PNPT1: variants seen among roughly 807,000 people sequenced by gnomAD.
The protein encoded by PNPT1 is polyribonucleotide nucleotidyltransferase 1, also known as polyribonucleotide nucleotidyltransferase 1, mitochondrial.
In PNPT1, 53 loss-of-function variants were observed where a neutral mutation model predicts 119.5. The observed-to-expected ratio is 0.44, with a 90% CI of 0.36 to 0.56. The LOEUF (loss-of-function observed/expected upper bound fraction) is 0.56. Among genes scored for constraint, PNPT1 ranks in the 20% least tolerant of loss-of-function variants. The pLI is 0.00. For synonymous variants in PNPT1, 357 were observed against 322.1 expected (o/e 1.11, Z -1.16); for missense variants, 948 against 938.5 (o/e 1.01, Z -0.13).
At chr2:55,666,896 A>G in intron 13 of PNPT1, 95 bp downstream of exon 13, 2 of 759,794 alleles carry the variant, frequency 2.6e-6, no homozygotes, top group Non-Finnish European at 4.1e-6. Context: ...TATACACCAT[A>G]TGACAAAACC....
chr2:55,667,455 ATGG>A (rs896690169), intron 12 of PNPT1, among the ~76,000 whole-genome samples: 23 of 152,048 alleles, frequency 1.5e-4, no homozygotes, highest in Non-Finnish European at 3.2e-4. Flanking sequence ...TTAGCTGGGC[ATGG>A]TGGTGGGCAC....
At position 55,671,891 on chromosome 2, in the gene PNPT1, T is replaced by G. The variant is rs1696927414; in HGVS notation, c.918+104A>C. The G allele has an allele frequency of 3.8e-6, 3 of 796,034 alleles. No homozygotes were observed. The Admixed American group carries it at 8.3e-5, about 22-fold the overall frequency. The allele number at this position is 796,034 out of a possible 1,614,324, so 49.3% of individuals were successfully genotyped here. A position where few individuals can be genotyped will look rare whatever the true frequency, so the allele number is the denominator to read the frequency against. ...CTTTTGTTAGTTTTTCATTTAGAGA[T>G]TTTTAATAAAAATAGGACTAGCATT... On this transcript the variant is annotated intron_variant, in intron 10 of 27. Coordinates refer to ENST00000447944, the MANE Select transcript of PNPT1 (RefSeq NM_033109.5).
At chr2:55,653,446 TTTTA>T (rs1328362326) in intron 18 of PNPT1, among the ~76,000 whole-genome samples, 1 of 152,204 alleles carries the variant, frequency 6.6e-6, no homozygotes, top group Non-Finnish European at 1.5e-5. Flanking sequence ...TGATGTCATC[TTTTA>T]TTTTTCAGTT....
At chr2:55,693,489 G>A (rs1035263199) in intron 1 of PNPT1, among the ~76,000 whole-genome samples, 174 bp downstream of exon 1, 15 of 152,184 alleles carry the variant, frequency 9.9e-5, no homozygotes, top group African/African-American at 3.4e-4. Context: ...GCGGGAAGGA[G>A]GGTCCGAGGA....
chr2:55,669,187 A>G (rs1479832767), intron 11 of PNPT1, among the ~76,000 whole-genome samples: 2 of 114,796 alleles, frequency 1.7e-5, no homozygotes, highest in African/African-American at 1.2e-4. Flanking sequence ...AAAAAAAAAC[A>G]TAAATAAAAA....
chr2:55,684,224 G>A (rs562535982), intron 4 of PNPT1, among the ~76,000 whole-genome samples: 1 of 152,336 alleles, frequency 6.6e-6, no homozygotes, highest in East Asian at 1.9e-4. Context: ...CGAGCACAGT[G>A]GTTCACGCCT....
At chr2:55,637,500 A>G in intron 27 of PNPT1, 52 bp downstream of exon 27, 1 of 1,487,858 alleles carries the variant, frequency 6.7e-7, no homozygotes, top group Non-Finnish European at 9.3e-7. Flanking sequence ...AAAACAATGG[A>G]AGCTTCAAGA....
intron 5 of PNPT1, among the ~76,000 whole-genome samples, chr2:55,682,091 C>T (rs1045462869): frequency 2.7e-5 from 4 of 150,502 alleles, no homozygotes; most frequent in South Asian, 2.1e-4. Context: ...TGCAGTGAGC[C>T]GAGATCGCGC....
chr2:55,641,017 A>G (rs555950744), intron 25 of PNPT1, among the ~76,000 whole-genome samples: 1 of 152,110 alleles, frequency 6.6e-6, no homozygotes, highest in Non-Finnish European at 1.5e-5. Context: ...CGAGGTCAAG[A>G]GATCAACTCC....
rs1696594234 is a variant in PNPT1, at chr2:55,662,016, G to C, written c.1187C>G (p.Thr396Ser). ...AGATTCTAATGAATCAAATGTAACG[G>C]TACAAAGCACCTAAAAAAGAAAAAG... ...FQRGQTQVLC[T>S]VTFDSLESGI... Residue 396 changes from threonine (T) to serine (S), a missense_variant, in exon 14 of 28, where the codon ACC becomes AGC. Coordinates refer to ENST00000447944, the MANE Select transcript of PNPT1 (RefSeq NM_033109.5). The C allele has an allele frequency of 6.4e-7, 1 of 1,567,646 alleles. No homozygotes were observed. The highest frequency in any genetic ancestry group is 1.2e-5 in the South Asian group (1 of 81,880).
intron 1 of PNPT1, among the ~76,000 whole-genome samples, chr2:55,691,583 T>C (rs997683542): frequency 6.6e-6 from 1 of 152,134 alleles, no homozygotes; most frequent in Non-Finnish European, 1.5e-5. Context: ...AAGTAGATTA[T>C]TTATGGAAAA....
intron 1 of PNPT1, among the ~76,000 whole-genome samples, chr2:55,689,617 T>C (rs888580455): frequency 3.9e-5 from 6 of 152,196 alleles, no homozygotes; most frequent in Non-Finnish European, 5.9e-5. Context: ...CCAAAGACTA[T>C]GTTTCCATGT....
At chr2:55,639,724 A>G (rs1447007175) in intron 26 of PNPT1, among the ~76,000 whole-genome samples, 2 of 152,162 alleles carry the variant, frequency 1.3e-5, no homozygotes, top group East Asian at 3.8e-4. Context: ...AATTTTTGCC[A>G]TATAATTAAA....
At chr2:55,642,023 G>A (rs1423180588) in intron 25 of PNPT1, among the ~76,000 whole-genome samples, 2 of 151,918 alleles carry the variant, frequency 1.3e-5, no homozygotes, top group East Asian at 3.9e-4. Context: ...TGTATTTTTA[G>A]TAGACATGGG....
rs78468677 is a variant in PNPT1, at chr2:55,678,214, G to C, written c.679+1468C>G. On this transcript the variant is annotated intron_variant, in intron 8 of 27. Transcript: ENST00000447944. ...AACTTTCAGCAAAAATTCCAATGCA[G>C]ATGAACAGGAAACCAATACTTTGCT... Among the ~76,000 whole-genome samples, 37 of 152,298 alleles carry C rather than the reference G, an allele frequency of 2.4e-4. 1 individual carries two copies. The East Asian group carries it at 7.1e-3, about 29-fold the overall frequency.
At chr2:55,691,522 A>G (rs1697599830) in intron 1 of PNPT1, among the ~76,000 whole-genome samples, 2 of 152,230 alleles carry the variant, frequency 1.3e-5, no homozygotes, top group African/African-American at 4.8e-5. Flanking sequence ...ACGAGTTTAA[A>G]AAGAACTACC....
At chr2:55,668,959 AT>A (rs1242857895) in intron 11 of PNPT1, among the ~76,000 whole-genome samples, 3 of 152,214 alleles carry the variant, frequency 2.0e-5, no homozygotes, top group Admixed American at 6.5e-5. Context: ...AAATCTGCAA[AT>A]TGGGGAAAAA....
At chr2:55,682,767 G>C (rs1697287777) in intron 5 of PNPT1, among the ~76,000 whole-genome samples, 1 of 151,976 alleles carries the variant, frequency 6.6e-6, no homozygotes, top group Non-Finnish European at 1.5e-5. Context: ...AACTTAGCTG[G>C]GTATGGTGGT....
At chr2:55,687,589 A>G in intron 2 of PNPT1, 56 bp downstream of exon 2, 2 of 1,280,506 alleles carry the variant, frequency 1.6e-6, no homozygotes, top group Non-Finnish European at 2.2e-6. Flanking sequence ...TTACACATTT[A>G]GTATGAGTCT....
Sources: gnomAD v4.1 joint callset for allele counts (sites outside exome capture counted in the v4.1 genomes callset) on GRCh38, gnomAD v4.1.1 for gene constraint, MANE v1.5 for transcripts, NCBI Gene and HGNC (gene_info 2026-07-23, HGNC 2026-07-21) for gene names.